Variants in MAF observed in about 807,000 individuals in gnomAD.
MAF encodes transcription factor Maf.
In MAF, 10 loss-of-function variants were observed where a neutral mutation model predicts 22.0. The ratio of observed to expected loss-of-function variants is 0.45; its 90% CI spans 0.28 to 0.77. MAF has a LOEUF of 0.77. Among genes scored for constraint, MAF ranks in the 30% least tolerant of loss-of-function variants. The pLI is 0.12. For synonymous variants in MAF, 337 were observed against 255.8 expected (o/e 1.32, Z -3.03); for missense variants, 544 against 548.4 (o/e 0.99, Z 0.08).
At chr16:79,526,726 T>G in the MAF span, among the ~76,000 whole-genome samples, 1 of 151,844 alleles carries the variant, frequency 6.6e-6, no homozygotes, top group Non-Finnish European at 1.5e-5. Context: ...TAGCATTTGT[T>G]CATTTCTGTG....
the MAF span, among the ~76,000 whole-genome samples, chr16:79,280,724 G>A: frequency 6.6e-6 from 1 of 152,312 alleles, no homozygotes; most frequent in South Asian, 2.1e-4. Flanking sequence ...TCCATCCACT[G>A]TCTTGTCCAG....
the MAF span, among the ~76,000 whole-genome samples, chr16:79,400,503 T>C: frequency 7.5e-4 from 114 of 152,362 alleles, no homozygotes; most frequent in African/African-American, 1.4e-3. Flanking sequence ...AAACATGAGT[T>C]GGAGTTTATA....
At chr16:79,338,730 G>A in the MAF span, among the ~76,000 whole-genome samples, 2 of 152,122 alleles carry the variant, frequency 1.3e-5, no homozygotes, top group Non-Finnish European at 2.9e-5. Flanking sequence ...ATACACTCGC[G>A]ACACTTCACT....
At chr16:79,587,422 G>T (rs114027174) in intron 1 of MAF, among the ~76,000 whole-genome samples, 1 of 144,594 alleles carries the variant, frequency 6.9e-6, no homozygotes, top group East Asian at 2.4e-4. Context: ...TTCCCCGATA[G>T]GATTACTTTT....
the MAF span, among the ~76,000 whole-genome samples, chr16:79,566,915 T>C: frequency 6.6e-6 from 1 of 152,214 alleles, no homozygotes; most frequent in Non-Finnish European, 1.5e-5. Flanking sequence ...AAAATGGACT[T>C]GGATAGAATC....
the MAF span, among the ~76,000 whole-genome samples, chr16:79,439,032 C>T: frequency 2.6e-5 from 4 of 152,100 alleles, no homozygotes; most frequent in African/African-American, 4.8e-5. Context: ...CCCCTTCTAT[C>T]TTAAAGATAT....
At chr16:79,442,343 A>G in the MAF span, among the ~76,000 whole-genome samples, 2 of 152,162 alleles carry the variant, frequency 1.3e-5, no homozygotes, top group South Asian at 2.1e-4. Context: ...AGCTGAGTCC[A>G]CAGAATATCC....
the MAF span, among the ~76,000 whole-genome samples, chr16:79,214,438 C>G: frequency 6.6e-6 from 1 of 152,120 alleles, no homozygotes; most frequent in Non-Finnish European, 1.5e-5. Flanking sequence ...GCTACATTAC[C>G]ACTGTCGCCC....
the MAF span, chr16:79,212,191 C>T: frequency 8.9e-6 from 13 of 1,463,068 alleles, no homozygotes; most frequent in African/African-American, 4.3e-5. Flanking sequence ...GGGGGCTGGC[C>T]TTCTCCTACT....
At chr16:79,432,112 G>A in the MAF span, among the ~76,000 whole-genome samples, 2 of 152,146 alleles carry the variant, frequency 1.3e-5, no homozygotes, top group Admixed American at 1.3e-4. Context: ...GAGGTAAATG[G>A]ATCACAGGGA....
At chr16:79,391,040 C>T in the MAF span, among the ~76,000 whole-genome samples, 1 of 152,170 alleles carries the variant, frequency 6.6e-6, no homozygotes, top group Admixed American at 6.5e-5. Context: ...GGGTCCACTG[C>T]TGCCTCTCCA....
chr16:79,224,518 G>C, the MAF span, among the ~76,000 whole-genome samples: 1 of 152,060 alleles, frequency 6.6e-6, no homozygotes, highest in African/African-American at 2.4e-5. Context: ...AGGACAATCA[G>C]ACAAGAGAAA....
At chr16:79,404,002 T>A in the MAF span, among the ~76,000 whole-genome samples, 1 of 152,140 alleles carries the variant, frequency 6.6e-6, no homozygotes, top group African/African-American at 2.4e-5. Flanking sequence ...GTCCATGCAG[T>A]GTGGACCATG....
At chr16:79,298,614 C>T in the MAF span, among the ~76,000 whole-genome samples, 89 of 152,298 alleles carry the variant, frequency 5.8e-4, no homozygotes, top group Middle Eastern at 3.4e-3. Flanking sequence ...GGGCACTAAA[C>T]AGAAGCCAGC....
chr16:79,232,162 G>A, the MAF span, among the ~76,000 whole-genome samples: 4 of 151,976 alleles, frequency 2.6e-5, no homozygotes, highest in African/African-American at 9.7e-5. Context: ...TTCCTAACAG[G>A]CCATGGATTG....
the MAF span, among the ~76,000 whole-genome samples, chr16:79,429,845 C>T: frequency 1.3e-5 from 2 of 152,196 alleles, no homozygotes; most frequent in South Asian, 2.1e-4. Flanking sequence ...CAGTACTTTT[C>T]CCTCCAGCCT....
At chr16:79,526,037 G>T in the MAF span, among the ~76,000 whole-genome samples, 5 of 152,300 alleles carry the variant, frequency 3.3e-5, no homozygotes, top group East Asian at 9.7e-4. Flanking sequence ...TTACGAGTAA[G>T]AATAAGGTGA....
chr16:79,413,392 T>C, the MAF span, among the ~76,000 whole-genome samples: 80,694 of 140,282 alleles, frequency 0.58, 24,269 homozygotes, highest in East Asian at 0.89. Context: ...TACAGGCGCC[T>C]GCCACCTCGC....
chr16:79,447,905 A>AAAAAAAAAAAAAAAAAAAAAAAG, the MAF span, among the ~76,000 whole-genome samples: 8 of 85,804 alleles, frequency 9.3e-5, 1 homozygote, highest in Admixed American at 1.9e-4. Context: ...AAAAAAAAAA[A>AAAAAAAAAAAAAAAAAAAAAAAG]AAAAGAAAAG....
Sources: allele counts gnomAD v4.1 joint callset (sites outside exome capture counted in the v4.1 genomes callset), GRCh38; gene constraint gnomAD v4.1.1; transcripts MANE v1.5; gene names NCBI Gene and HGNC (gene_info 2026-07-23, HGNC 2026-07-21).